ZNF599: variants seen among roughly 807,000 people sequenced by gnomAD.
ZNF599 encodes zinc finger protein 599.
ZNF599 carries 10 observed loss-of-function variants against 11.7 expected under a neutral mutation model. The ratio of observed to expected loss-of-function variants is 0.86; its 90% CI spans 0.53 to 1.45. The LOEUF (loss-of-function observed/expected upper bound fraction) is 1.45. Among genes scored for constraint, ZNF599 ranks in the 40% most tolerant of loss-of-function variants. The pLI is 0.00. For missense variants in ZNF599, 688 were observed against 713.6 expected (o/e 0.96, Z 0.41); for synonymous variants, 232 against 253.2 (o/e 0.92, Z 0.79).
chr19:34,759,314 C>A lies in ZNF599; in HGVS notation c.1487G>T (p.Arg496Leu). The A allele has an allele frequency of 6.2e-7, 1 of 1,611,864 alleles. No homozygotes were observed. The highest frequency in any genetic ancestry group is 8.5e-7 in the Non-Finnish European group (1 of 1,179,388). ...KAFYYSSSFT[R>L]HMRIHTGEKP... ...CTCTCCAGTGTGAATCCTCATGTGTCGAGTGAAGGAAGAGCTATAGTAAAA... is the reference window on the plus strand; with the variant it reads ...CTCTCCAGTGTGAATCCTCATGTGTAGAGTGAAGGAAGAGCTATAGTAAAA... Residue 496 changes from arginine (R) to leucine (L), a missense_variant, in exon 4 of 4, where the codon CGA becomes CTA. Transcript: ENST00000329285.
rs989944757 is a variant in ZNF599, at chr19:34,764,847, T to C, written c.241+2469A>G. On this transcript the variant is annotated intron_variant, in intron 3 of 3. Coordinates refer to ENST00000329285, the MANE Select transcript of ZNF599 (RefSeq NM_001007248.3). ...TGACTTGTACATATATAAAACTTTATAGAAATGAAACTTTATGATTTGTAC... is the reference window on the plus strand; with the variant it reads ...TGACTTGTACATATATAAAACTTTACAGAAATGAAACTTTATGATTTGTAC... 39 of 152,258 alleles carry C rather than the reference T, an allele frequency of 2.6e-4. 1 individual carries two copies. Among genetic ancestry groups the C allele is most frequent in the Admixed American group, 2.4e-3 (37 of 15,292 alleles). 9.4% of individuals were successfully genotyped at this position (152,258 alleles called of 1,614,324 possible).
the ZNF599 span, among the ~76,000 whole-genome samples, chr19:34,783,609 G>A: frequency 6.6e-6 from 1 of 152,086 alleles, no homozygotes; most frequent in Non-Finnish European, 1.5e-5. Flanking sequence ...CCTGGGAGGG[G>A]TGGTCTCACC....
chr19:34,777,491 T>C (rs1308564700), upstream of ZNF599, among the ~76,000 whole-genome samples: 16 of 107,754 alleles, frequency 1.5e-4, no homozygotes, highest in Non-Finnish European at 2.4e-4. Context: ...ATATAATATA[T>C]GATATATATT....
the ZNF599 span, among the ~76,000 whole-genome samples, chr19:34,803,413 G>A: frequency 2.6e-5 from 4 of 152,010 alleles, no homozygotes; most frequent in East Asian, 1.9e-4. Context: ...TAGGAGTTTC[G>A]GAACATCATC....
the ZNF599 span, among the ~76,000 whole-genome samples, chr19:34,804,122 C>T: frequency 6.6e-6 from 1 of 152,186 alleles, no homozygotes; most frequent in Non-Finnish European, 1.5e-5. Context: ...CCATCCAGAA[C>T]AACATGCAGG....
the ZNF599 span, among the ~76,000 whole-genome samples, chr19:34,805,035 T>C: frequency 2.0e-5 from 3 of 152,238 alleles, no homozygotes; most frequent in Non-Finnish European, 4.4e-5. Context: ...CTGCTGATCC[T>C]GCCTATGGGC....
the ZNF599 span, among the ~76,000 whole-genome samples, chr19:34,789,527 T>G: frequency 6.6e-6 from 1 of 152,230 alleles, no homozygotes; most frequent in Admixed American, 6.5e-5. Flanking sequence ...CTCTTTTCTC[T>G]TTTTGATAAC....
At chr19:34,807,506 C>T in the ZNF599 span, among the ~76,000 whole-genome samples, 400 of 152,322 alleles carry the variant, frequency 2.6e-3, no homozygotes, top group Non-Finnish European at 4.1e-3. Context: ...CTGTTGCCTT[C>T]GCCTCCTTTT....
At chr19:34,781,215 G>A in the ZNF599 span, among the ~76,000 whole-genome samples, 3 of 144,382 alleles carry the variant, frequency 2.1e-5, no homozygotes, top group Admixed American at 2.1e-4. Flanking sequence ...AAGGAAGGAA[G>A]GAAATGAAAG....
chr19:34,803,523 C>G, the ZNF599 span, among the ~76,000 whole-genome samples: 1 of 152,162 alleles, frequency 6.6e-6, no homozygotes, highest in Non-Finnish European at 1.5e-5. Flanking sequence ...AAGAGCCTCT[C>G]TTGAGGACCC....
the ZNF599 span, among the ~76,000 whole-genome samples, chr19:34,805,758 A>G: frequency 6.6e-6 from 1 of 152,052 alleles, no homozygotes; most frequent in Non-Finnish European, 1.5e-5. Context: ...AACTCCAGAA[A>G]CCACCCAACT....
the ZNF599 span, among the ~76,000 whole-genome samples, chr19:34,801,081 A>T: frequency 1.3e-5 from 2 of 152,222 alleles, no homozygotes; most frequent in African/African-American, 4.8e-5. Context: ...CACCTTCTCC[A>T]TATCACAGTC....
At chr19:34,786,034 C>T in the ZNF599 span, among the ~76,000 whole-genome samples, 33,246 of 151,822 alleles carry the variant, frequency 0.22, 3,728 homozygotes, top group South Asian at 0.38. Flanking sequence ...ACCCCCATTT[C>T]AGGAGGATCA....
chr19:34,777,412 T>TATATA (rs2069224595), upstream of ZNF599, among the ~76,000 whole-genome samples: 4 of 92,318 alleles, frequency 4.3e-5, no homozygotes, highest in Non-Finnish European at 6.0e-5. Context: ...TTATATATAA[T>TATATA]ATATATTAAT....
the ZNF599 span, among the ~76,000 whole-genome samples, chr19:34,794,586 T>TG: frequency 9.2e-5 from 14 of 151,896 alleles, no homozygotes; most frequent in Non-Finnish European, 1.9e-4. Flanking sequence ...CTTTTTTTTT[T>TG]TTGAGACAGA....
chr19:34,771,425 T>G (rs1392279927), intron 1 of ZNF599, among the ~76,000 whole-genome samples: 2 of 152,252 alleles, frequency 1.3e-5, no homozygotes, highest in East Asian at 3.9e-4. Flanking sequence ...AATAAGGTAA[T>G]ACACAGAAAC....
chr19:34,774,113 G>A (rs1036117935), upstream of ZNF599, among the ~76,000 whole-genome samples: 2 of 152,166 alleles, frequency 1.3e-5, no homozygotes, highest in Admixed American at 1.3e-4. Flanking sequence ...CTAATATACA[G>A]GTAGACCTAT....
At chr19:34,763,150 C>T (rs2069122682) in intron 3 of ZNF599, 1 of 152,142 alleles carries the variant, frequency 6.6e-6, no homozygotes, top group Admixed American at 6.5e-5. Context: ...AGAAACACAT[C>T]AACAGATGCA....
the ZNF599 span, among the ~76,000 whole-genome samples, chr19:34,797,855 G>A: frequency 6.6e-6 from 1 of 152,176 alleles, no homozygotes; most frequent in Non-Finnish European, 1.5e-5. Context: ...AATCTCAGAA[G>A]GGAGTATGTC....
Sources: allele counts gnomAD v4.1 joint callset (sites outside exome capture counted in the v4.1 genomes callset), GRCh38; gene constraint gnomAD v4.1.1; transcripts MANE v1.5; gene names NCBI Gene and HGNC (gene_info 2026-07-23, HGNC 2026-07-21).